The following TMPRSS11D variants were observed in gnomAD, a reference collection of about 807,000 sequenced individuals.
TMPRSS11D encodes transmembrane protease serine 11D.
In TMPRSS11D, 32 loss-of-function variants were observed where a neutral mutation model predicts 44.4. The ratio of observed to expected loss-of-function variants is 0.72; its 90% CI spans 0.54 to 0.97. The LOEUF is 0.97. Among genes scored for constraint, TMPRSS11D ranks in the 50% least tolerant of loss-of-function variants. The pLI is 0.00. For synonymous variants in TMPRSS11D, 179 were observed against 177.9 expected, an observed-to-expected ratio of 1.01 and a Z score of -0.05; for missense variants, 446 against 502.6, an observed-to-expected ratio of 0.89 and a Z score of 1.08.
At chr4:67,861,907 G>A (rs151185713) in intron 1 of TMPRSS11D, among the ~76,000 whole-genome samples, 203 of 152,156 alleles carry the variant, frequency 1.3e-3, no homozygotes, top group African/African-American at 4.8e-3. Context: ...ACCTCTGAAC[G>A]TTGCTAACAC....
At chr4:67,863,201 T>A (rs1437735059) in intron 1 of TMPRSS11D, among the ~76,000 whole-genome samples, 1 of 150,886 alleles carries the variant, frequency 6.6e-6, no homozygotes, top group African/African-American at 2.4e-5. Context: ...TAAAAACTGA[T>A]CAGAATGGAG....
Position 67,827,471 on chromosome 4 carries a change from ATGT to A in TMPRSS11D, c.739_741del (p.Thr247del), listed in dbSNP as rs1266225665. The A allele has an allele frequency of 3.1e-6, 5 of 1,611,954 alleles. No individual in the cohort carries two copies. Among genetic ancestry groups the A allele is most frequent in the South Asian group, 2.2e-5 (2 of 90,836 alleles). ...CTTACTCTCATTCTTAGTTTAGGAAATGTTGTGGAAATACCAGACGTGGCAATC... is the reference window on the plus strand; with the variant it reads ...CTTACTCTCATTCTTAGTTTAGGAAATGTGGAAATACCAGACGTGGCAATC... On this transcript the variant is annotated inframe_deletion, in exon 8 of 10. Transcript: ENST00000283916.
intron 2 of TMPRSS11D, among the ~76,000 whole-genome samples, chr4:67,858,920 A>G (rs1169231001): frequency 6.6e-6 from 1 of 152,066 alleles, no homozygotes; most frequent in Non-Finnish European, 1.5e-5. Context: ...TCTTGTCCAC[A>G]TTGTCTATTT....
intron 9 of TMPRSS11D, among the ~76,000 whole-genome samples, chr4:67,824,337 T>C (rs1230842014): frequency 6.6e-6 from 1 of 152,056 alleles, no homozygotes; most frequent in East Asian, 1.9e-4. Flanking sequence ...ATAACACCCT[T>C]TTAAAACTCA....
intron 9 of TMPRSS11D, among the ~76,000 whole-genome samples, chr4:67,824,462 T>A (rs895546975): frequency 6.6e-6 from 1 of 152,050 alleles, no homozygotes; most frequent in Non-Finnish European, 1.5e-5. Context: ...AACTTGAGAA[T>A]TTGTTGTTTC....
chr4:67,875,599 C>G (rs1719168665), intron 1 of TMPRSS11D, among the ~76,000 whole-genome samples: 1 of 152,222 alleles, frequency 6.6e-6, no homozygotes, highest in South Asian at 2.1e-4. Context: ...GTGAGAGAGA[C>G]AGCGCAGCTG....
At chr4:67,842,245 G>A (rs1218747436) in intron 4 of TMPRSS11D, among the ~76,000 whole-genome samples, 1 of 152,128 alleles carries the variant, frequency 6.6e-6, no homozygotes, top group Non-Finnish European at 1.5e-5. Context: ...GTTTACATAG[G>A]CTGCACTGTG....
chr4:67,831,185 T>G (rs535732696), intron 7 of TMPRSS11D, among the ~76,000 whole-genome samples: 2 of 152,070 alleles, frequency 1.3e-5, no homozygotes, highest in Non-Finnish European at 2.9e-5. Context: ...ATAAAAAAAT[T>G]TCTGTGGAAC....
At chr4:67,879,705 A>G (rs1480873582) in intron 1 of TMPRSS11D, among the ~76,000 whole-genome samples, 3 of 152,136 alleles carry the variant, frequency 2.0e-5, no homozygotes, top group Non-Finnish European at 4.4e-5. Context: ...GAGCAAGACA[A>G]GAGCTATTTC....
At chr4:67,857,817 TAAC>T (rs935783979) in intron 2 of TMPRSS11D, among the ~76,000 whole-genome samples, 4 of 152,118 alleles carry the variant, frequency 2.6e-5, no homozygotes, top group African/African-American at 9.7e-5. Context: ...AGAGTGAAGT[TAAC>T]AACAATCTAT....
At chr4:67,858,172 C>A (rs529220731) in intron 2 of TMPRSS11D, among the ~76,000 whole-genome samples, 35 of 152,190 alleles carry the variant, frequency 2.3e-4, no homozygotes, top group African/African-American at 8.2e-4. Flanking sequence ...TTCTTTTGAT[C>A]GTTCATATGC....
intron 6 of TMPRSS11D, among the ~76,000 whole-genome samples, chr4:67,833,983 A>G (rs1271031747): frequency 6.6e-6 from 1 of 152,162 alleles, no homozygotes; most frequent in Non-Finnish European, 1.5e-5. Flanking sequence ...TGCCCTCATA[A>G]AGGAGTCGCT....
intron 3 of TMPRSS11D, among the ~76,000 whole-genome samples, chr4:67,852,502 TG>T (rs1226079339): frequency 6.6e-6 from 1 of 152,220 alleles, no homozygotes; most frequent in Non-Finnish European, 1.5e-5. Flanking sequence ...ACTGAGCTAA[TG>T]TTCAGTGAGA....
At chr4:67,861,098 A>C (rs1439642225) in intron 1 of TMPRSS11D, among the ~76,000 whole-genome samples, 1 of 76,742 alleles carries the variant, frequency 1.3e-5, no homozygotes, top group Non-Finnish European at 3.5e-5. Context: ...TTAAGTATAT[A>C]ACATAGAAAA....
At chr4:67,880,398 T>A (rs1035474471) in intron 1 of TMPRSS11D, among the ~76,000 whole-genome samples, 33 of 152,110 alleles carry the variant, frequency 2.2e-4, no homozygotes, top group African/African-American at 7.7e-4. Context: ...AGATGAGAAA[T>A]GACACAATAG....
At chr4:67,839,279 C>A (rs1213027382) in intron 4 of TMPRSS11D, among the ~76,000 whole-genome samples, 1 of 152,128 alleles carries the variant, frequency 6.6e-6, no homozygotes, top group East Asian at 1.9e-4. Context: ...ATGGGTCTTG[C>A]AGTTTAGATG....
At chr4:67,828,604 G>A (rs1717865343) in intron 7 of TMPRSS11D, among the ~76,000 whole-genome samples, 1 of 152,104 alleles carries the variant, frequency 6.6e-6, no homozygotes, top group Non-Finnish European at 1.5e-5. Flanking sequence ...CTACTTGATG[G>A]ATGCCAAAAC....
At chr4:67,869,868 A>G (rs62301301) in intron 1 of TMPRSS11D, among the ~76,000 whole-genome samples, 26,757 of 152,160 alleles carry the variant, frequency 0.18, 2,681 homozygotes, top group Middle Eastern at 0.28. Flanking sequence ...GTTTAATTTT[A>G]TATAGATCTT....
At chr4:67,825,253 T>G (rs1717763591) in intron 9 of TMPRSS11D, among the ~76,000 whole-genome samples, 1 of 151,898 alleles carries the variant, frequency 6.6e-6, no homozygotes, top group Non-Finnish European at 1.5e-5. Context: ...GATTAATTTT[T>G]TATTTAATCC....
Sources: gnomAD v4.1 joint callset for allele counts (sites outside exome capture counted in the v4.1 genomes callset) on GRCh38, gnomAD v4.1.1 for gene constraint, MANE v1.5 for transcripts, NCBI Gene and HGNC (gene_info 2026-07-23, HGNC 2026-07-21) for gene names.